EFCAB6: variants seen among roughly 807,000 people sequenced by gnomAD.
EFCAB6 encodes the protein EF-hand calcium-binding domain-containing protein 6.
Under a neutral mutation model 169.8 loss-of-function variants are expected in EFCAB6, and 156 were observed. The observed-to-expected ratio is 0.92, with a 90% confidence interval of 0.81 to 1.05. The LOEUF is 1.05. EFCAB6 is among the 50% of genes least tolerant of loss of function. The probability of loss-of-function intolerance (pLI) is 0.00; values close to 1 mark genes in which losing one functional copy is unlikely to be tolerated. For missense variants in EFCAB6, 1,800 were observed against 1,829.1 expected (o/e 0.98, Z 0.29); for synonymous variants, 698 against 676.4 (o/e 1.03, Z -0.50).
intron 17 of EFCAB6, among the ~76,000 whole-genome samples, chr22:43,642,085 G>A (rs2055842704): frequency 1.3e-5 from 2 of 152,024 alleles, no homozygotes; most frequent in South Asian, 4.1e-4. Flanking sequence ...GGGATTACAG[G>A]CATGCGACAC....
At chr22:43,589,993 G>T (rs1383154168) in intron 24 of EFCAB6, 81 bp downstream of exon 24, 19 of 1,527,270 alleles carry the variant, frequency 1.2e-5, no homozygotes, top group Non-Finnish European at 3.5e-6. Flanking sequence ...TGTTTGGGCG[G>T]ACATACAGAA....
intron 27 of EFCAB6, among the ~76,000 whole-genome samples, chr22:43,541,322 G>A (rs942713427): frequency 3.3e-5 from 5 of 152,230 alleles, no homozygotes; most frequent in African/African-American, 7.2e-5. Flanking sequence ...TACGGAAGTC[G>A]GGGTTGGGGG....
chr22:43,589,938 C>T, intron 24 of EFCAB6, 136 bp downstream of exon 24: 3 of 1,163,804 alleles, frequency 2.6e-6, no homozygotes, highest in East Asian at 2.5e-5. Context: ...TCTAATGTAA[C>T]CCAGCAAACA....
intron 20 of EFCAB6, among the ~76,000 whole-genome samples, chr22:43,618,242 G>GA (rs1235974180): frequency 6.6e-6 from 1 of 150,904 alleles, no homozygotes; most frequent in Admixed American, 6.6e-5. Context: ...GAAAGAGAGA[G>GA]AAAGAGAAAG....
chr22:43,627,414 C>CTGTTT (rs2147844986), intron 19 of EFCAB6, among the ~76,000 whole-genome samples: 1 of 152,338 alleles, frequency 6.6e-6, no homozygotes, highest in African/African-American at 2.4e-5. Flanking sequence ...TGTGATGCTT[C>CTGTTT]TGTTTTCTCA....
chr22:43,599,998 T>C lies in EFCAB6; in HGVS notation c.2876+71A>G, dbSNP rs572178947. 1.2e-5 allele frequency: 17 copies of C among 1,473,850 alleles called. No individual in the cohort carries two copies. In the South Asian group the frequency reaches 1.7e-4, roughly 15 times the overall value. 91.3% of individuals were successfully genotyped at this position (1,473,850 alleles called of 1,614,324 possible). A position where few individuals can be genotyped will look rare whatever the true frequency, so the allele number is the denominator to read the frequency against. ...AGCATGGGAAGGTACCATTTTAAAA[T>C]AACTTGTGCTGTGAGGCCAGATGTA... On this transcript the variant is annotated intron_variant, in intron 23 of 31. Coordinates refer to ENST00000262726, the MANE Select transcript of EFCAB6 (RefSeq NM_022785.4).
intron 23 of EFCAB6, among the ~76,000 whole-genome samples, chr22:43,595,550 A>G (rs935727871): frequency 6.6e-6 from 1 of 152,154 alleles, no homozygotes; most frequent in African/African-American, 2.4e-5. Context: ...GAACCATGAA[A>G]AAGTAGAAAA....
intron 24 of EFCAB6, among the ~76,000 whole-genome samples, chr22:43,585,043 G>A (rs879110346): frequency 6.6e-6 from 1 of 152,118 alleles, no homozygotes; most frequent in Admixed American, 6.5e-5. Flanking sequence ...TTCCTGTCTG[G>A]CTTTTGACAA....
At chr22:43,691,240 C>T (rs2058402535) in intron 10 of EFCAB6, among the ~76,000 whole-genome samples, 1 of 152,014 alleles carries the variant, frequency 6.6e-6, no homozygotes, top group African/African-American at 2.4e-5. Context: ...TCTTTCTTCA[C>T]CAAAATTTGC....
chr22:43,746,084 T>C (rs1439726464), intron 6 of EFCAB6, among the ~76,000 whole-genome samples: 4 of 152,170 alleles, frequency 2.6e-5, no homozygotes, highest in African/African-American at 9.7e-5. Context: ...TTAGACTACA[T>C]TCAGAACCTC....
intron 17 of EFCAB6, among the ~76,000 whole-genome samples, chr22:43,662,768 C>G (rs80385): frequency 0.9 from 137,034 of 152,270 alleles, 61,903 homozygotes; most frequent in African/African-American, 0.98. Context: ...AGTCTACCCA[C>G]CAAGCCAGAA....
At chr22:43,612,951 G>A (rs1257484945) in intron 21 of EFCAB6, among the ~76,000 whole-genome samples, 1 of 149,814 alleles carries the variant, frequency 6.7e-6, no homozygotes, top group Admixed American at 6.7e-5. Context: ...CAGAGAAAAG[G>A]GAACGCTTAT....
intron 8 of EFCAB6, among the ~76,000 whole-genome samples, chr22:43,725,569 T>G (rs1171608600): frequency 6.6e-6 from 1 of 152,162 alleles, no homozygotes; most frequent in Admixed American, 6.5e-5. Flanking sequence ...GGGGATTAAG[T>G]TTCAACATGA....
At chr22:43,579,126 A>ATAGGCATCATTCTGTACACG (rs2050487058) in intron 25 of EFCAB6, among the ~76,000 whole-genome samples, 1 of 144,456 alleles carries the variant, frequency 6.9e-6, no homozygotes. Flanking sequence ...TTCCATAAGT[A>ATAGGCATCATTCTGTACACG]TAGGCATCAT....
Position 43,534,715 on chromosome 22 carries a change from C to A in EFCAB6, c.4206G>T (p.Arg1402Ser). 1 of 1,611,602 alleles carries A rather than the reference C, an allele frequency of 6.2e-7. No individual in the cohort carries two copies. The highest frequency in any genetic ancestry group is 8.5e-7 in the Non-Finnish European group (1 of 1,179,132). Reference sequence around the variant, plus strand: ...TCTTGTGTGCATTCTGGATCTTCATCCTGTGCATCAGTGAGCTTTCCTTTG... The same window carrying A: ...TCTTGTGTGCATTCTGGATCTTCATACTGTGCATCAGTGAGCTTTCCTTTG... ...LKAKESSLMH[R>S]MKIQNAHKMK... Residue 1402 changes from arginine to serine, a missense_variant, in exon 30 of 32, where the codon AGG (arginine) becomes AGT (serine). By Grantham distance (110) the Arg-to-Ser change is moderately radical. Transcript: ENST00000262726.
intron 6 of EFCAB6, among the ~76,000 whole-genome samples, chr22:43,736,681 G>C (rs2060153032): frequency 6.6e-6 from 1 of 152,042 alleles, no homozygotes; most frequent in Non-Finnish European, 1.5e-5. Context: ...GATCCACAGG[G>C]AGCACCCAGT....
intron 12 of EFCAB6, among the ~76,000 whole-genome samples, chr22:43,681,590 T>TGCA (rs375756505): frequency 7.5e-4 from 114 of 152,364 alleles, no homozygotes; most frequent in Middle Eastern, 3.4e-3. Flanking sequence ...TTGTAAGACA[T>TGCA]ATTTCTATGT....
chr22:43,589,097 G>A (rs1417343381), intron 24 of EFCAB6, among the ~76,000 whole-genome samples: 1 of 151,810 alleles, frequency 6.6e-6, no homozygotes. Flanking sequence ...AAATCAAGAA[G>A]TAGCAATATA....
chr22:43,665,641 T>C (rs891460770), intron 17 of EFCAB6, among the ~76,000 whole-genome samples: 2 of 152,138 alleles, frequency 1.3e-5, no homozygotes, highest in Non-Finnish European at 2.9e-5. Context: ...ACTCGTTTAG[T>C]TTTCAGCCCC....
Sources: allele counts gnomAD v4.1 joint callset (sites outside exome capture counted in the v4.1 genomes callset), GRCh38; gene constraint gnomAD v4.1.1; transcripts MANE v1.5; gene names NCBI Gene and HGNC (gene_info 2026-07-23, HGNC 2026-07-21).